PPARD: variants seen among roughly 807,000 people sequenced by gnomAD.
PPARD encodes peroxisome proliferator activated receptor delta.
In PPARD, 6 loss-of-function variants were observed where a neutral mutation model predicts 39.5. That is an observed-to-expected ratio of 0.15 (90% CI 0.08 to 0.30). The LOEUF is 0.30. Among genes scored for constraint, PPARD ranks in the 10% least tolerant of loss-of-function variants. PPARD has a pLI of 1.00. For missense variants in PPARD, 397 were observed against 596.8 expected, an observed-to-expected ratio of 0.67 and a Z score of 3.49; for synonymous variants, 210 against 231.3, an observed-to-expected ratio of 0.91 and a Z score of 0.83.
rs370563254 is a variant in PPARD at position 35,387,185 on chromosome 6, C to A, written c.-101-23802C>A. On this transcript the variant is annotated intron_variant, in intron 2 of 7. Transcript: ENST00000360694. Reference sequence around the variant, plus strand: ...GCATCAGTTGTTGCTCTTTACCAGGCCCCCAGGGGTTGCTGTCGGTGAGCT... The same window carrying A: ...GCATCAGTTGTTGCTCTTTACCAGGACCCCAGGGGTTGCTGTCGGTGAGCT... Among the ~76,000 whole-genome samples, 60 of 151,324 alleles carry A rather than the reference C, an allele frequency of 4.0e-4. 1 individual carries two copies. Among genetic ancestry groups the A allele is most frequent in the African/African-American group, 1.4e-3 (58 of 40,894 alleles).
At chr6:35,409,719 C>A (rs1562214873) in intron 2 of PPARD, among the ~76,000 whole-genome samples, 1 of 152,126 alleles carries the variant, frequency 6.6e-6, no homozygotes, top group Non-Finnish European at 1.5e-5. Context: ...CAGCCTCCAC[C>A]CTCAAGTAGG....
chr6:35,368,379 A>G (rs1762311774), intron 2 of PPARD, among the ~76,000 whole-genome samples: 1 of 152,172 alleles, frequency 6.6e-6, no homozygotes, highest in African/African-American at 2.4e-5. Context: ...TGTGGAGGCT[A>G]GCCCTATTTT....
chr6:35,414,545 C>T (rs1415588873), intron 3 of PPARD, among the ~76,000 whole-genome samples: 1 of 152,158 alleles, frequency 6.6e-6, no homozygotes, highest in Non-Finnish European at 1.5e-5. Context: ...GAGACCAGGG[C>T]AGGCATCCCA....
In PPARD at chr6:35,423,992, G is replaced by A; in HGVS notation, c.471G>A (p.Val157=). The part of the protein sequence containing the change: ...RMPEAEKRKL[V]AGLTANEGSQ... ...CGGAGGCTGAGAAGAGGAAGCTGGT[G>A]GCAGGGCTGACTGCAAACGAGGGGA... is the stretch of plus-strand genomic sequence containing the variant. Residue 157 remains valine (V), a synonymous_variant, in exon 6 of 8, where the codon GTG becomes GTA. Coordinates refer to ENST00000360694, the MANE Select transcript of PPARD (RefSeq NM_006238.5). The A allele has an allele frequency of 6.2e-7, 1 of 1,614,216 alleles. No individual in the cohort carries two copies. The highest frequency in any genetic ancestry group is 1.7e-5 in the Admixed American group (1 of 60,028).
chr6:35,391,459 GGT>G (rs970642513), intron 2 of PPARD, among the ~76,000 whole-genome samples: 1 of 152,182 alleles, frequency 6.6e-6, no homozygotes, highest in African/African-American at 2.4e-5. Flanking sequence ...ACATAGATGA[GGT>G]GTGCTTCCTG....
intron 2 of PPARD, among the ~76,000 whole-genome samples, chr6:35,386,850 T>C (rs558703763): frequency 1.6e-3 from 246 of 152,148 alleles, no homozygotes; most frequent in Non-Finnish European, 1.9e-3. Context: ...GGAGGCCCTG[T>C]CTTGTGCTGT....
chr6:35,369,021 C>T (rs1762346486), intron 2 of PPARD, among the ~76,000 whole-genome samples: 1 of 152,178 alleles, frequency 6.6e-6, no homozygotes, highest in African/African-American at 2.4e-5. Flanking sequence ...CCTTTCTAGT[C>T]TTGTGCCTTG....
chr6:35,421,211 C>T (rs535717672), intron 4 of PPARD, among the ~76,000 whole-genome samples: 3 of 152,142 alleles, frequency 2.0e-5, no homozygotes, highest in Admixed American at 6.5e-5. Context: ...GATCCACCCA[C>T]CTCGGCCTCC....
chr6:35,407,585 C>A (rs1385488592), intron 2 of PPARD, among the ~76,000 whole-genome samples: 1 of 151,886 alleles, frequency 6.6e-6, no homozygotes, highest in African/African-American at 2.4e-5. Context: ...ATGGGTGCAG[C>A]ACACCAGCAT....
intron 2 of PPARD, among the ~76,000 whole-genome samples, chr6:35,398,470 C>T (rs1764485801): frequency 6.6e-6 from 1 of 152,160 alleles, no homozygotes; most frequent in South Asian, 2.1e-4. Flanking sequence ...TAGGCTTGTG[C>T]TGCCATTGGA....
intron 2 of PPARD, among the ~76,000 whole-genome samples, chr6:35,379,693 C>CA (rs1460100576): frequency 2.6e-5 from 4 of 152,194 alleles, no homozygotes; most frequent in African/African-American, 4.8e-5. Context: ...TGCTTTTGCC[C>CA]AAAAGGAGCT....
chr6:35,365,955 C>G (rs1762191040), intron 2 of PPARD, among the ~76,000 whole-genome samples: 1 of 151,608 alleles, frequency 6.6e-6, no homozygotes, highest in Non-Finnish European at 1.5e-5. Flanking sequence ...GGAAGGCTTC[C>G]AGAGGATAGT....
chr6:35,361,785 G>T (rs1385213575), intron 2 of PPARD, among the ~76,000 whole-genome samples: 2 of 152,210 alleles, frequency 1.3e-5, no homozygotes, highest in African/African-American at 2.4e-5. Flanking sequence ...TTGGATATGA[G>T]CTCTGGAGTG....
At chr6:35,376,249 T>C (rs570401269) in intron 2 of PPARD, among the ~76,000 whole-genome samples, 1 of 152,370 alleles carries the variant, frequency 6.6e-6, no homozygotes, top group Middle Eastern at 3.4e-3. Flanking sequence ...ATTTCAGCCA[T>C]TGCCTCTTTG....
rs1581588482 is a variant in PPARD at position 35,383,376 on chromosome 6, G to A, written c.-101-27611G>A. On this transcript the variant is annotated intron_variant, in intron 2 of 7. Coordinates refer to ENST00000360694, the MANE Select transcript of PPARD (RefSeq NM_006238.5). ...GAGTGCAGTGGCGTGGTCCCGGCTCGCTACAACCTCCACCTCCCAGCCGCC... is the reference window on the plus strand; with the variant it reads ...GAGTGCAGTGGCGTGGTCCCGGCTCACTACAACCTCCACCTCCCAGCCGCC... 8.6e-5 allele frequency among the ~76,000 whole-genome samples: 13 copies of A among 151,848 alleles called. 4 individuals are homozygous for A. The highest frequency in any genetic ancestry group is 2.7e-4 in the African/African-American group (11 of 41,240).
chr6:35,344,008 G>A (rs769783903), intron 1 of PPARD, among the ~76,000 whole-genome samples: 1 of 151,418 alleles, frequency 6.6e-6, no homozygotes, highest in Non-Finnish European at 1.5e-5. Flanking sequence ...TTTGAGTTTT[G>A]AAATAGATTG....
At chr6:35,394,493 G>A (rs895334160) in intron 2 of PPARD, among the ~76,000 whole-genome samples, 2 of 151,860 alleles carry the variant, frequency 1.3e-5, no homozygotes, top group Admixed American at 6.6e-5. Context: ...ATAAGCAGCC[G>A]GGCATGATGA....
rs1284073008 is a variant in PPARD, at chr6:35,366,150, A to G, written c.-102+19000A>G. Among the ~76,000 whole-genome samples, 4 of 151,812 alleles carry G rather than the reference A, an allele frequency of 2.6e-5. No homozygotes were observed. The highest frequency in any genetic ancestry group is 5.9e-5 in the Non-Finnish European group (4 of 68,046). ...TTCCTGCATAACAAATTACCCCAAAACTTAGTAGCTTAAAACACTATCTCG... is the reference window on the plus strand; with the variant it reads ...TTCCTGCATAACAAATTACCCCAAAGCTTAGTAGCTTAAAACACTATCTCG... On this transcript the variant is annotated intron_variant, in intron 2 of 7. Coordinates refer to ENST00000360694, the MANE Select transcript of PPARD (RefSeq NM_006238.5). The surrounding 1 kb of genome is among the most constrained non-coding windows in gnomAD (Gnocchi z 4.6).
chr6:35,382,399 C>T lies in PPARD; in HGVS notation c.-101-28588C>T, dbSNP rs79286706. On this transcript the variant is annotated intron_variant, in intron 2 of 7. Transcript: ENST00000360694. ...TGGAGCAGTAAAATTCTCCAGGTCC[C>T]GTGAAATGGGTATAATTGTTTCACC... 6.4e-4 allele frequency among the ~76,000 whole-genome samples: 98 copies of T among 152,282 alleles called. No homozygotes were observed. In the East Asian group the frequency reaches 0.015, roughly 23 times the overall value.
Sources: allele counts gnomAD v4.1 joint callset (sites outside exome capture counted in the v4.1 genomes callset), GRCh38; gene constraint gnomAD v4.1.1; non-coding constraint Gnocchi (gnomAD v3.1); transcripts MANE v1.5; gene names NCBI Gene and HGNC (gene_info 2026-07-23, HGNC 2026-07-21).